The following TUSC3 variants were observed in gnomAD, a reference collection of about 807,000 sequenced individuals.
TUSC3 encodes tumor suppressor candidate 3, also known as dolichyl-diphosphooligosaccharide--protein glycosyltransferase subunit TUSC3.
Under a neutral mutation model 44.8 loss-of-function variants are expected in TUSC3, and 45 were observed. That is an observed-to-expected ratio of 1.00 (90% CI 0.79 to 1.29). The LOEUF (loss-of-function observed/expected upper bound fraction) is 1.29. Among genes scored for constraint, TUSC3 ranks in the 50% most tolerant of loss-of-function variants. The pLI, the probability that TUSC3 is intolerant of heterozygous loss-of-function variation, is 0.00. For synonymous variants in TUSC3, 212 were observed against 152.9 expected (o/e 1.39, Z -2.85); for missense variants, 519 against 437.9 (o/e 1.19, Z -1.65).
chr8:15,762,739 G>A lies in TUSC3; in HGVS notation c.*47-1464G>A, dbSNP rs574739434. Among the ~76,000 whole-genome samples the A allele has an allele frequency of 3.3e-5, 5 of 152,180 alleles. No homozygotes were observed. In the East Asian group the frequency reaches 7.8e-4, roughly 24 times the overall value. On this transcript the variant is annotated intron_variant, in intron 10 of 10. Coordinates refer to ENST00000503731, the MANE Select transcript of TUSC3 (RefSeq NM_006765.4). ...AGCTTCATCTTCAGAGCAAGCTGAT[G>A]ATGGCTTGTGTGTGCTAGCAGGATG...
At chr8:15,771,692 CCTGAAGACAA>C in the TUSC3 span, among the ~76,000 whole-genome samples, 1 of 151,974 alleles carries the variant, frequency 6.6e-6, no homozygotes, top group African/African-American at 2.4e-5. Flanking sequence ...TTAGAAAACA[CCTGAAGACAA>C]ATGAAAACAA....
chr8:15,470,088 C>T (rs1800466982), intron 1 of TUSC3, among the ~76,000 whole-genome samples: 2 of 148,532 alleles, frequency 1.3e-5, no homozygotes, highest in South Asian at 4.3e-4. Context: ...AAACCTCGTC[C>T]CTACAAAAAA....
At chr8:15,827,927 A>G in the TUSC3 span, among the ~76,000 whole-genome samples, 2 of 151,942 alleles carry the variant, frequency 1.3e-5, no homozygotes, top group African/African-American at 2.4e-5. Flanking sequence ...TATGGATTCA[A>G]TTGTGTATAT....
chr8:15,671,437 A>G (rs994955585), intron 5 of TUSC3, among the ~76,000 whole-genome samples: 2 of 152,042 alleles, frequency 1.3e-5, no homozygotes, highest in African/African-American at 2.4e-5. Context: ...ATCAGTTATG[A>G]GAATTTTGAT....
chr8:15,701,640 A>C (rs1025221202), intron 6 of TUSC3, among the ~76,000 whole-genome samples: 3 of 152,152 alleles, frequency 2.0e-5, no homozygotes, highest in Middle Eastern at 3.2e-3. Context: ...ATTTAACTGC[A>C]GTAAGAAAAA....
chr8:15,590,152 T>C (rs2129149953), intron 1 of TUSC3, among the ~76,000 whole-genome samples: 1 of 152,336 alleles, frequency 6.6e-6, no homozygotes, highest in Admixed American at 6.5e-5. Context: ...ATTTTAAAAT[T>C]ATCTTAGATA....
intron 2 of TUSC3, among the ~76,000 whole-genome samples, chr8:15,649,303 A>C (rs963825443): frequency 1.3e-5 from 2 of 152,026 alleles, no homozygotes; most frequent in Admixed American, 6.6e-5. Context: ...TAAGAAGTTT[A>C]GCCGGGCGCG....
At chr8:15,597,616 G>A (rs1585138408) in intron 1 of TUSC3, among the ~76,000 whole-genome samples, 1 of 152,044 alleles carries the variant, frequency 6.6e-6, no homozygotes, top group Admixed American at 6.6e-5. Context: ...AGTTGTATAA[G>A]CTTTGAGCAT....
chr8:15,456,300 A>T (rs1021024924), intron 1 of TUSC3, among the ~76,000 whole-genome samples: 1 of 152,264 alleles, frequency 6.6e-6, no homozygotes, highest in Non-Finnish European at 1.5e-5. Context: ...TTGTTTGTGC[A>T]ATGGGCAGGC....
chr8:15,774,634 G>A, the TUSC3 span, among the ~76,000 whole-genome samples: 1 of 152,116 alleles, frequency 6.6e-6, no homozygotes, highest in African/African-American at 2.4e-5. Context: ...GTGGTACTTT[G>A]TTACAGCAGC....
chr8:15,687,074 A>G (rs1808665562), intron 6 of TUSC3, among the ~76,000 whole-genome samples: 1 of 152,196 alleles, frequency 6.6e-6, no homozygotes, highest in Non-Finnish European at 1.5e-5. Flanking sequence ...CTCCGTCTCA[A>G]AAAAAACAAA....
intron 6 of TUSC3, among the ~76,000 whole-genome samples, chr8:15,701,654 T>C (rs755602315): frequency 4.6e-5 from 7 of 152,112 alleles, no homozygotes; most frequent in Non-Finnish European, 7.4e-5. Context: ...AGAAAAACTT[T>C]GCAGTGTTTC....
At chr8:15,804,515 A>T in the TUSC3 span, among the ~76,000 whole-genome samples, 1 of 152,076 alleles carries the variant, frequency 6.6e-6, no homozygotes, top group Non-Finnish European at 1.5e-5. Flanking sequence ...ATGTGGTGAG[A>T]GGTTGCGGTT....
intron 1 of TUSC3, among the ~76,000 whole-genome samples, chr8:15,422,895 G>T (rs183733175): frequency 6.6e-6 from 1 of 152,080 alleles, no homozygotes; most frequent in African/African-American, 2.4e-5. Context: ...CACCCAACTC[G>T]GCCTCCCAAA....
chr8:15,531,948 A>G (rs1000054015), intron 2 of TUSC3, among the ~76,000 whole-genome samples: 5 of 152,206 alleles, frequency 3.3e-5, no homozygotes, highest in African/African-American at 4.8e-5. Context: ...CTTGTCTATA[A>G]AAGAAATTAT....
intron 1 of TUSC3, among the ~76,000 whole-genome samples, chr8:15,427,075 G>GTTTTTTTTTTTTTTTTTTTTTCT (rs367932724): frequency 6.9e-6 from 1 of 145,960 alleles, no homozygotes; most frequent in Non-Finnish European, 1.5e-5. Flanking sequence ...GTTGTTTGGT[G>GTTTTTTTTTTTTTTTTTTTTTCT]TTTGTTTTTT....
intron 4 of TUSC3, among the ~76,000 whole-genome samples, chr8:15,660,315 G>A (rs1257726093): frequency 6.6e-6 from 1 of 151,974 alleles, no homozygotes; most frequent in Non-Finnish European, 1.5e-5. Context: ...CTAGAATGAA[G>A]CTCAAGATGT....
At chr8:15,532,597 T>A (rs564445482) in intron 2 of TUSC3, among the ~76,000 whole-genome samples, 1 of 152,282 alleles carries the variant, frequency 6.6e-6, no homozygotes, top group African/African-American at 2.4e-5. Flanking sequence ...CAAAAGTTTG[T>A]ATTCTTCTGA....
the TUSC3 span, among the ~76,000 whole-genome samples, chr8:15,829,225 A>C: frequency 1.3e-5 from 2 of 152,198 alleles, no homozygotes; most frequent in African/African-American, 4.8e-5. Context: ...TGCTATTAGA[A>C]AAAAATGTTG....
Sources: gnomAD v4.1 joint callset for allele counts (sites outside exome capture counted in the v4.1 genomes callset) on GRCh38, gnomAD v4.1.1 for gene constraint, MANE v1.5 for transcripts, NCBI Gene and HGNC (gene_info 2026-07-23, HGNC 2026-07-21) for gene names.